Variants in SNTB1 observed in about 807,000 individuals in gnomAD.
SNTB1 encodes beta-1-syntrophin.
Under a neutral mutation model 48.9 loss-of-function variants are expected in SNTB1, and 36 were observed. The observed-to-expected ratio is 0.74, with a 90% confidence interval of 0.56 to 0.97. The LOEUF is 0.97. SNTB1 is among the 50% of genes least tolerant of loss of function. The probability of loss-of-function intolerance (pLI) is 0.00; values close to 1 mark genes in which losing one functional copy is unlikely to be tolerated. For missense variants in SNTB1, 786 were observed against 703.4 expected (o/e 1.12, Z -1.33); for synonymous variants, 299 against 294.6 (o/e 1.01, Z -0.15).
At chr8:120,630,298 T>G (rs1587045486) in intron 3 of SNTB1, among the ~76,000 whole-genome samples, 1 of 152,298 alleles carries the variant, frequency 6.6e-6, no homozygotes, top group East Asian at 1.9e-4. Context: ...GGGGCTGCAT[T>G]TCTCTTCCAA....
intron 1 of SNTB1, 137 bp downstream of exon 1, chr8:120,811,136 C>A (rs562713726): frequency 1.9e-5 from 23 of 1,220,420 alleles, no homozygotes; most frequent in Admixed American, 9.7e-5. Context: ...ACCCTTCCCC[C>A]CCCCCCAACA....
At chr8:120,807,547 T>A (rs1820355657) in intron 1 of SNTB1, among the ~76,000 whole-genome samples, 1 of 152,260 alleles carries the variant, frequency 6.6e-6, no homozygotes, top group African/African-American at 2.4e-5. Context: ...ATTCACGATA[T>A]AAGTTTGGAT....
chr8:120,807,679 C>T (rs1053955848), intron 1 of SNTB1, among the ~76,000 whole-genome samples: 3 of 152,168 alleles, frequency 2.0e-5, no homozygotes, highest in Admixed American at 1.3e-4. Context: ...TCCTCCTTCC[C>T]GTCCCTCCCT....
At chr8:120,602,549 A>G (rs1191622103) in intron 3 of SNTB1, among the ~76,000 whole-genome samples, 2 of 152,148 alleles carry the variant, frequency 1.3e-5, no homozygotes, top group African/African-American at 4.8e-5. Flanking sequence ...CTGTTGCCAC[A>G]ATTTCCAGCC....
chr8:120,625,184 A>G (rs1381525717), intron 3 of SNTB1, among the ~76,000 whole-genome samples: 1 of 152,212 alleles, frequency 6.6e-6, no homozygotes, highest in Admixed American at 6.5e-5. Context: ...TAAAGGTCCC[A>G]ACTCTGTTGC....
At chr8:120,560,747 G>A (rs1386355149) in intron 4 of SNTB1, among the ~76,000 whole-genome samples, 1 of 152,150 alleles carries the variant, frequency 6.6e-6, no homozygotes, top group Non-Finnish European at 1.5e-5. Context: ...ACGACCATCT[G>A]CCAGTAGTAT....
At chr8:120,571,374 C>G (rs1815839957) in intron 4 of SNTB1, 1 of 1,281,790 alleles carries the variant, frequency 7.8e-7, no homozygotes, top group Admixed American at 2.3e-5. Flanking sequence ...ACTGTGGATG[C>G]AAAGTACAGA....
intron 3 of SNTB1, among the ~76,000 whole-genome samples, chr8:120,597,563 C>T (rs973683767): frequency 6.6e-6 from 1 of 152,200 alleles, no homozygotes; most frequent in Non-Finnish European, 1.5e-5. Flanking sequence ...AAATGAGTAT[C>T]CTTTACAAGA....
At chr8:120,763,501 A>G (rs1455662804) in intron 1 of SNTB1, among the ~76,000 whole-genome samples, 3 of 152,194 alleles carry the variant, frequency 2.0e-5, no homozygotes, top group African/African-American at 7.2e-5. Context: ...TATTAAAACA[A>G]TCTTAATGTG....
intron 1 of SNTB1, among the ~76,000 whole-genome samples, chr8:120,804,151 T>A (rs921108183): frequency 3.3e-5 from 5 of 152,070 alleles, no homozygotes; most frequent in Non-Finnish European, 1.5e-5. Context: ...GGGCAACTAA[T>A]CTTCCAATTC....
At chr8:120,671,231 A>T (rs1817752514) in intron 2 of SNTB1, among the ~76,000 whole-genome samples, 1 of 152,168 alleles carries the variant, frequency 6.6e-6, no homozygotes, top group African/African-American at 2.4e-5. Context: ...GAGAAGCAGC[A>T]TGGCCTGCAA....
chr8:120,702,160 C>T (rs77349530), intron 1 of SNTB1, among the ~76,000 whole-genome samples: 23 of 152,208 alleles, frequency 1.5e-4, no homozygotes, highest in Non-Finnish European at 2.5e-4. Flanking sequence ...TGAATAAGAC[C>T]GACTGGCTCC....
intron 3 of SNTB1, among the ~76,000 whole-genome samples, chr8:120,579,207 A>AACAC (rs1352715904): frequency 4.1e-5 from 4 of 97,150 alleles, no homozygotes; most frequent in Non-Finnish European, 6.7e-5. Flanking sequence ...CAAACAAACA[A>AACAC]ACAAACAAAG....
intron 2 of SNTB1, among the ~76,000 whole-genome samples, chr8:120,647,167 C>G (rs1817312203): frequency 7.3e-6 from 1 of 137,298 alleles, no homozygotes. Context: ...CTATTTCCTT[C>G]AGTTCTGCTC....
intron 3 of SNTB1, among the ~76,000 whole-genome samples, chr8:120,631,451 G>C (rs1816977750): frequency 6.6e-6 from 1 of 152,186 alleles, no homozygotes; most frequent in Non-Finnish European, 1.5e-5. Context: ...TGGAAAACCT[G>C]AGTATTATTT....
chr8:120,806,472 T>G (rs969467476), intron 1 of SNTB1, among the ~76,000 whole-genome samples: 19 of 152,260 alleles, frequency 1.2e-4, no homozygotes, highest in African/African-American at 4.3e-4. Flanking sequence ...AACATGGTTT[T>G]TGTTTTAACA....
At chr8:120,724,318 A>G (rs1195960791) in intron 1 of SNTB1, among the ~76,000 whole-genome samples, 1 of 152,230 alleles carries the variant, frequency 6.6e-6, no homozygotes, top group African/African-American at 2.4e-5. Flanking sequence ...GTTCCATTAC[A>G]TGCCTTCAGT....
intron 1 of SNTB1, among the ~76,000 whole-genome samples, chr8:120,792,683 T>C (rs1820057623): frequency 6.6e-6 from 1 of 151,936 alleles, no homozygotes. Context: ...AATGGGAAAA[T>C]TGGTTTGAAG....
intron 1 of SNTB1, chr8:120,775,368 T>C (rs1455309719): frequency 6.6e-6 from 1 of 152,206 alleles, no homozygotes; most frequent in Non-Finnish European, 1.5e-5. Context: ...TTGAGTTCAC[T>C]GTTGCGGTGA....
Sources: gnomAD v4.1 joint callset for allele counts (sites outside exome capture counted in the v4.1 genomes callset) on GRCh38, gnomAD v4.1.1 for gene constraint, MANE v1.5 for transcripts, NCBI Gene and HGNC (gene_info 2026-07-23, HGNC 2026-07-21) for gene names.